Variants in RC3H2 observed in about 807,000 individuals in gnomAD.
The protein encoded by RC3H2 is roquin-2.
Under a neutral mutation model 133.3 loss-of-function variants are expected in RC3H2, and 31 were observed. The observed-to-expected ratio is 0.23, with a 90% CI of 0.17 to 0.31. The LOEUF (loss-of-function observed/expected upper bound fraction) is 0.31, where lower values mean the gene tolerates loss of function less well. RC3H2 is among the 10% of genes least tolerant of loss of function. The probability of loss-of-function intolerance (pLI) is 1.00; values close to 1 mark genes in which losing one functional copy is unlikely to be tolerated. For synonymous variants in RC3H2, 517 were observed against 502.2 expected (o/e 1.03, Z -0.40); for missense variants, 1,175 against 1,437.2 (o/e 0.82, Z 2.95).
At chr9:122,877,358 G>T in intron 9 of RC3H2, 113 bp downstream of exon 9, 1 of 788,496 alleles carries the variant, frequency 1.3e-6, no homozygotes, top group Non-Finnish European at 2.1e-6. Flanking sequence ...GAGCTATGGT[G>T]CCCAGCCCTT....
At chr9:122,897,016 ACT>A (rs1479353182) in intron 2 of RC3H2, among the ~76,000 whole-genome samples, 3 of 122,668 alleles carry the variant, frequency 2.4e-5, no homozygotes, top group Non-Finnish European at 1.6e-5. Context: ...ACAGAGTGAG[ACT>A]CTGTCTAAAA....
At position 122,855,728 on chromosome 9, in the gene RC3H2, A is replaced by C; in HGVS notation, c.2601+4T>G. On this transcript the variant is annotated splice_donor_region_variant and intron_variant, in intron 14 of 20. Coordinates refer to ENST00000357244, the MANE Select transcript of RC3H2 (RefSeq NM_001100588.3). ...CAACCCCTGCAACCCCAGCAAAATC[A>C]TACCATTAACACAGCATTTGAATTA... The C allele has an allele frequency of 6.2e-7, 1 of 1,607,658 alleles. No individual in the cohort carries two copies. The highest frequency in any genetic ancestry group is 8.5e-7 in the Non-Finnish European group (1 of 1,177,086).
chr9:122,899,527 TTAAAG>T (rs1161163646), intron 1 of RC3H2, among the ~76,000 whole-genome samples: 4 of 152,232 alleles, frequency 2.6e-5, no homozygotes, highest in Non-Finnish European at 5.9e-5. Flanking sequence ...ATCGTTATCT[TTAAAG>T]TAACCAAATC....
At chr9:122,859,777 C>G in intron 11 of RC3H2, 140 bp downstream of exon 11, 1 of 708,290 alleles carries the variant, frequency 1.4e-6, no homozygotes, top group Non-Finnish European at 2.4e-6. Flanking sequence ...AGCACAGATC[C>G]TTGGGGAAGG....
At chr9:122,859,252 C>CTTTTTGT (rs1830367779) in intron 11 of RC3H2, 150 bp from the exon 12 acceptor site, 1 of 179,744 alleles carries the variant, frequency 5.6e-6, no homozygotes, top group African/African-American at 4.9e-5. Context: ...TATACCCTGG[C>CTTTTTGT]TTTTTTTTTT....
At chr9:122,899,100 T>C (rs1215795133) in intron 1 of RC3H2, among the ~76,000 whole-genome samples, 1 of 134,616 alleles carries the variant, frequency 7.4e-6, no homozygotes, top group Admixed American at 7.5e-5. Context: ...GTTTTTTTTT[T>C]TTTTTTTTTT....
chr9:122,879,468 C>T (rs1397487910), intron 8 of RC3H2, among the ~76,000 whole-genome samples: 1 of 151,972 alleles, frequency 6.6e-6, no homozygotes, highest in Non-Finnish European at 1.5e-5. Flanking sequence ...ATGACAATTT[C>T]CCACAGTAGA....
chr9:122,857,649 T>C (rs1186021060), intron 13 of RC3H2, among the ~76,000 whole-genome samples: 5 of 152,212 alleles, frequency 3.3e-5, no homozygotes, highest in Non-Finnish European at 7.3e-5. Context: ...CAATAAATGA[T>C]AGATATAAAT....
At chr9:122,874,989 G>T (rs898067302) in intron 9 of RC3H2, 4 of 597,938 alleles carry the variant, frequency 6.7e-6, no homozygotes, top group Admixed American at 6.7e-5. Context: ...TGAAACCACA[G>T]TTTCTTCTCT....
At chr9:122,895,425 C>T (rs551154580) in intron 2 of RC3H2, among the ~76,000 whole-genome samples, 197 of 152,250 alleles carry the variant, frequency 1.3e-3, no homozygotes, top group Non-Finnish European at 1.6e-3. Flanking sequence ...ACTTCAGCCT[C>T]CCAAAGTGCT....
At chr9:122,867,792 C>A (rs1235473555) in intron 9 of RC3H2, among the ~76,000 whole-genome samples, 4 of 106,906 alleles carry the variant, frequency 3.7e-5, no homozygotes, top group African/African-American at 8.6e-5. Context: ...GCCCGGCAAC[C>A]GCCCCGTCTG....
intron 18 of RC3H2, among the ~76,000 whole-genome samples, chr9:122,852,865 C>A (rs1830103199): frequency 6.6e-6 from 1 of 152,194 alleles, no homozygotes; most frequent in Non-Finnish European, 1.5e-5. Context: ...CCAGCCACCA[C>A]CCCGTCTGGG....
chr9:122,880,049 T>G lies in RC3H2; in HGVS notation c.1037A>C (p.Asn346Thr). The change falls in exon 7 of 21, where the codon AAC becomes ACC. Residue 346 changes from asparagine to threonine, a missense_variant. Asn to Thr is a moderately conservative substitution (Grantham distance 65, BLOSUM62 0). Transcript: ENST00000357244. ...IVLQRTGDPA[N>T]LNRLRPHLEL... ...TAAATGAGGCCTCAGTCTATTTAAG[T>G]TAGCTGGGTCACCTGTTCGTTGCAA... The G allele has an allele frequency of 6.2e-7, 1 of 1,614,210 alleles. No homozygotes were observed. The highest frequency in any genetic ancestry group is 2.2e-5 in the East Asian group (1 of 44,890).
intron 3 of RC3H2, among the ~76,000 whole-genome samples, chr9:122,891,827 A>G (rs555678384): frequency 6.6e-6 from 1 of 152,330 alleles, no homozygotes; most frequent in Admixed American, 6.5e-5. Context: ...TGTTTATTAT[A>G]CCTATGATGT....
chr9:122,851,502 T>A, intron 18 of RC3H2, 66 bp from the exon 19 acceptor site: 3 of 1,565,694 alleles, frequency 1.9e-6, no homozygotes, highest in Admixed American at 1.8e-5. Flanking sequence ...CCTCTCCCCA[T>A]GGTCTCCCTC....
At position 122,859,095 on chromosome 9, in the gene RC3H2, A is replaced by G. The variant is rs1456682778; in HGVS notation, c.1857T>C (p.Tyr619=). The change falls in exon 12 of 21, where the codon TAT becomes TAC. Residue 619 remains tyrosine (Y), a synonymous_variant. Transcript: ENST00000357244. ...CAGCTGGTACCGTTGGAGGTGGTGG[A>G]TAGTATCCTTGAAAATTGGAAAGAG... is the stretch of plus-strand genomic sequence containing the variant. ...EVPQYPQTGY[Y]PPPPTVPAGV... 1.9e-6 allele frequency: 3 copies of G among 1,550,254 alleles called. No homozygotes were observed. Among genetic ancestry groups the G allele is most frequent in the Admixed American group, 4.1e-5 (2 of 48,308 alleles).
intron 10 of RC3H2, among the ~76,000 whole-genome samples, chr9:122,862,079 G>A (rs970499665): frequency 6.6e-6 from 1 of 152,080 alleles, no homozygotes; most frequent in South Asian, 2.1e-4. Flanking sequence ...CCTAAAATTT[G>A]GATTAGTACT....
chr9:122,855,458 T>A, intron 14 of RC3H2, 61 bp from the exon 15 acceptor site: 1 of 1,446,734 alleles, frequency 6.9e-7, no homozygotes, highest in Non-Finnish European at 9.7e-7. Flanking sequence ...CTAGTAAATA[T>A]ATGCTATCAA....
At position 122,868,322 on chromosome 9, in the gene RC3H2, T is replaced by C. The variant is rs375549535; in HGVS notation, c.1326-2665A>G. On this transcript the variant is annotated intron_variant, in intron 9 of 20. Transcript: ENST00000357244. ...AAAGGGGGCAAAGGTGGGGAAAAGA[T>C]TGAGAAATCGGATGGTTGCCGTGTC... is the stretch of plus-strand genomic sequence containing the variant. Among the ~76,000 whole-genome samples, 30 of 152,274 alleles carry C rather than the reference T, an allele frequency of 2.0e-4. No individual in the cohort carries two copies. In the South Asian group the frequency reaches 5.8e-3, roughly 29 times the overall value.
Sources: allele counts gnomAD v4.1 joint callset (sites outside exome capture counted in the v4.1 genomes callset), GRCh38; gene constraint gnomAD v4.1.1; transcripts MANE v1.5; gene names NCBI Gene and HGNC (gene_info 2026-07-23, HGNC 2026-07-21).